SYTL2: variants seen among roughly 807,000 people sequenced by gnomAD.
The protein encoded by SYTL2 is synaptotagmin-like protein 2.
Under a neutral mutation model 198.7 loss-of-function variants are expected in SYTL2, and 165 were observed. The ratio of observed to expected loss-of-function variants is 0.83; its 90% confidence interval spans 0.73 to 0.94. SYTL2 has a LOEUF of 0.94. SYTL2 is among the 40% of genes least tolerant of loss of function. The probability of loss-of-function intolerance (pLI) is 0.00; values close to 1 mark genes in which losing one functional copy is unlikely to be tolerated. For synonymous variants in SYTL2, 966 were observed against 917.7 expected (o/e 1.05, Z -0.95); for missense variants, 2,835 against 2,582.8 (o/e 1.10, Z -2.12).
intron 11 of SYTL2, among the ~76,000 whole-genome samples, chr11:85,715,794 G>A (rs781107651): frequency 6.6e-6 from 1 of 152,128 alleles, no homozygotes; most frequent in African/African-American, 2.4e-5. Context: ...GTAAGATTAG[G>A]TCCCACAATA....
At chr11:85,731,547 C>T (rs1295969139) in intron 7 of SYTL2, among the ~76,000 whole-genome samples, 1 of 152,162 alleles carries the variant, frequency 6.6e-6, no homozygotes, top group East Asian at 1.9e-4. Context: ...AAAACTGAAA[C>T]TGGACCCCTT....
intron 12 of SYTL2, 51 bp from the exon 13 acceptor site, chr11:85,711,283 G>T: frequency 6.3e-7 from 1 of 1,583,208 alleles, no homozygotes. Context: ...AATGAGTCAA[G>T]ATCAGAATCT....
chr11:85,817,902 C>CTTTTTT, the SYTL2 span, among the ~76,000 whole-genome samples: 33 of 109,880 alleles, frequency 3.0e-4, 2 homozygotes, highest in East Asian at 1.1e-3. Context: ...TGTGTCTTTT[C>CTTTTTT]TTTTTTTTTT....
chr11:85,709,617 A>T, intron 13 of SYTL2, 117 bp from the exon 14 acceptor site: 2 of 904,154 alleles, frequency 2.2e-6, no homozygotes, highest in Non-Finnish European at 1.7e-6. Flanking sequence ...AAAAGCAGTT[A>T]ATTCAATATA....
intron 1 of SYTL2, among the ~76,000 whole-genome samples, chr11:85,763,147 G>C (rs1591957748): frequency 6.6e-6 from 1 of 152,194 alleles, no homozygotes; most frequent in Admixed American, 6.5e-5. Flanking sequence ...TCATGCATAT[G>C]ATGGGTATAT....
chr11:85,840,136 AG>A, the SYTL2 span, among the ~76,000 whole-genome samples: 2 of 152,156 alleles, frequency 1.3e-5, no homozygotes, highest in Non-Finnish European at 2.9e-5. Flanking sequence ...TCAGATTATT[AG>A]ATTTTTTTTC....
chr11:85,712,734 T>TC, intron 12 of SYTL2, among the ~76,000 whole-genome samples: 1 of 151,972 alleles, frequency 6.6e-6, no homozygotes, highest in Non-Finnish European at 1.5e-5. Flanking sequence ...ACTTTTTTTT[T>TC]CAATTAGAGT....
chr11:85,717,600 G>A, intron 10 of SYTL2, 70 bp from the exon 11 acceptor site: 1 of 1,314,010 alleles, frequency 7.6e-7, no homozygotes, highest in South Asian at 1.2e-5. Context: ...TGAAAGTAAA[G>A]CTCAAATGTC....
intron 8 of SYTL2, among the ~76,000 whole-genome samples, chr11:85,722,434 A>C (rs2088477838): frequency 6.6e-6 from 1 of 152,030 alleles, no homozygotes; most frequent in African/African-American, 2.4e-5. Flanking sequence ...TTGGCCTCCC[A>C]AAGTGCTGGG....
At position 85,725,440 on chromosome 11, in the gene SYTL2, A is replaced by T; in HGVS notation, c.3918T>A (p.Ser1306=). The T allele has an allele frequency of 6.2e-7, 1 of 1,614,120 alleles. No homozygotes were observed. Among genetic ancestry groups the T allele is most frequent in the Non-Finnish European group, 8.5e-7 (1 of 1,179,990 alleles). The change falls in exon 8 of 20, where the codon TCT becomes TCA. Residue 1306 remains serine (S), a synonymous_variant. Transcript: ENST00000359152. The part of the protein sequence containing the change: ...QNLIQMAAED[S]HPLDPTSQLS... ...GCTGGGAAGTTGGATCCAATGGATG[A>T]GAATCTTCTGCAGCCATCTGAATCA...
intron 1 of SYTL2, among the ~76,000 whole-genome samples, chr11:85,786,031 C>T (rs1436924107): frequency 6.6e-6 from 1 of 152,140 alleles, no homozygotes; most frequent in Non-Finnish European, 1.5e-5. Flanking sequence ...AATGGTTAAA[C>T]AAACTCTGGT....
chr11:85,815,066 C>A (rs2093059839), upstream of SYTL2, among the ~76,000 whole-genome samples: 1 of 152,186 alleles, frequency 6.6e-6, no homozygotes, highest in Non-Finnish European at 1.5e-5. Flanking sequence ...CTTACCACCT[C>A]CATCCTTCTC....
Position 85,727,614 on chromosome 11 carries a change from C to T in SYTL2, c.1744G>A (p.Glu582Lys). The change falls in exon 8 of 20, where the codon GAA becomes AAA. Residue 582 changes from glutamate to lysine, a missense_variant. Coordinates refer to ENST00000359152, the MANE Select transcript of SYTL2 (RefSeq NM_206927.4). ...GAGTCAGATCTCACAGGCTTCAATT[C>T]AATTTTGCTGGGTGATAGGGTCTTT... is the stretch of plus-strand genomic sequence containing the variant. ...GSKTLSPSKIELKPVRSDSPF... is the reference protein window; with the variant it reads ...GSKTLSPSKIKLKPVRSDSPF... The T allele has an allele frequency of 6.5e-7, 1 of 1,536,028 alleles. No homozygotes were observed. Among genetic ancestry groups the T allele is most frequent in the Non-Finnish European group, 8.7e-7 (1 of 1,146,860 alleles).
At chr11:85,728,720 T>C (rs986304027) in intron 7 of SYTL2, among the ~76,000 whole-genome samples, 4 of 152,230 alleles carry the variant, frequency 2.6e-5, no homozygotes, top group African/African-American at 9.6e-5. Flanking sequence ...TAGAGGGGGC[T>C]TAAACCCAGG....
intron 14 of SYTL2, among the ~76,000 whole-genome samples, chr11:85,708,983 C>T (rs573549423): frequency 1.3e-5 from 2 of 151,424 alleles, no homozygotes; most frequent in South Asian, 2.1e-4. Context: ...GGACTACAGG[C>T]GCCCGCCACC....
At chr11:85,789,296 T>TA (rs2092685038) in intron 1 of SYTL2, among the ~76,000 whole-genome samples, 1 of 134,988 alleles carries the variant, frequency 7.4e-6, no homozygotes, top group African/African-American at 2.9e-5. Flanking sequence ...TATATATATA[T>TA]TTATTTATTT....
rs2092779656 is a variant in SYTL2, at chr11:85,794,825, A to G, written c.-390+16129T>C. 2.0e-5 allele frequency among the ~76,000 whole-genome samples: 3 copies of G among 152,222 alleles called. No homozygotes were observed. In the South Asian group the frequency reaches 6.2e-4, roughly 32 times the overall value. On this transcript the variant is annotated intron_variant, in intron 1 of 19. Coordinates refer to ENST00000359152, the MANE Select transcript of SYTL2 (RefSeq NM_206927.4). Reference sequence around the variant, plus strand: ...TATACAGAAGTAAAAGAAAAGCAGAATTTCCAGGAATTGCTCCAGGAATTC... The same window carrying G: ...TATACAGAAGTAAAAGAAAAGCAGAGTTTCCAGGAATTGCTCCAGGAATTC...
chr11:85,768,342 T>C (rs2092288400), intron 1 of SYTL2, among the ~76,000 whole-genome samples: 1 of 152,244 alleles, frequency 6.6e-6, no homozygotes, highest in African/African-American at 2.4e-5. Context: ...CACTTGTAGC[T>C]TTGGAGTCAA....
chr11:85,786,346 T>C (rs933484638), intron 1 of SYTL2, among the ~76,000 whole-genome samples: 1 of 152,110 alleles, frequency 6.6e-6, no homozygotes, highest in Non-Finnish European at 1.5e-5. Flanking sequence ...CCAGTGATGG[T>C]TGACACATGT....
Sources: gnomAD v4.1 joint callset for allele counts (sites outside exome capture counted in the v4.1 genomes callset) on GRCh38, gnomAD v4.1.1 for gene constraint, MANE v1.5 for transcripts, NCBI Gene and HGNC (gene_info 2026-07-23, HGNC 2026-07-21) for gene names.